Variants in STAG1 observed in about 807,000 individuals in gnomAD.
The protein encoded by STAG1 is cohesin subunit SA-1.
Under a neutral mutation model 170.9 loss-of-function variants are expected in STAG1, and 26 were observed. That is an observed-to-expected ratio of 0.15 (90% confidence interval 0.11 to 0.21). STAG1 has a LOEUF of 0.21. STAG1 is among the 10% of genes least tolerant of loss of function. The probability of loss-of-function intolerance (pLI) is 1.00; values close to 1 mark genes in which losing one functional copy is unlikely to be tolerated. For synonymous variants in STAG1, 514 were observed against 497.7 expected, an observed-to-expected ratio of 1.03 and a Z score of -0.44; for missense variants, 964 against 1,509.5, an observed-to-expected ratio of 0.64 and a Z score of 5.99.
chr3:136,739,593 G>A (rs1009563762), intron 1 of STAG1, among the ~76,000 whole-genome samples: 4 of 151,594 alleles, frequency 2.6e-5, no homozygotes, highest in African/African-American at 9.7e-5. Flanking sequence ...GGTCAAGGCA[G>A]AGGATTGCCT....
Position 136,694,039 on chromosome 3 carries a change from T to A in STAG1, c.-84+58156A>T, listed in dbSNP as rs150388616. Among the ~76,000 whole-genome samples, 6 of 152,300 alleles carry A rather than the reference T, an allele frequency of 3.9e-5. No homozygotes were observed. In the East Asian group the frequency reaches 1.2e-3, roughly 29 times the overall value. The stretch of plus-strand genomic sequence containing the variant: ...AAGACCAATTCTAGTAGAGTCAACA[T>A]CCACAGGAAAGCCAGAATTTTCTCT... On this transcript the variant is annotated intron_variant, in intron 1 of 33. Coordinates refer to ENST00000383202, the MANE Select transcript of STAG1 (RefSeq NM_005862.3).
chr3:136,369,353 G>C (rs1937203053), intron 23 of STAG1, 71 bp from the exon 24 acceptor site: 1 of 1,274,672 alleles, frequency 7.8e-7, no homozygotes, highest in Non-Finnish European at 1.1e-6. Flanking sequence ...TAATGAAAAT[G>C]TATGAAATTA....
intron 6 of STAG1, among the ~76,000 whole-genome samples, chr3:136,531,963 C>T (rs1358313506): frequency 6.7e-6 from 1 of 150,222 alleles, no homozygotes; most frequent in Non-Finnish European, 1.5e-5. Flanking sequence ...AATGATGCAC[C>T]TCAGGAACTA....
chr3:136,419,452 A>G (rs1014275564), intron 20 of STAG1, among the ~76,000 whole-genome samples: 1 of 151,266 alleles, frequency 6.6e-6, no homozygotes, highest in Non-Finnish European at 1.5e-5. Flanking sequence ...CACCGCACCC[A>G]GCCTTTTTTT....
intron 22 of STAG1, among the ~76,000 whole-genome samples, chr3:136,382,262 G>C (rs1345031078): frequency 1.3e-5 from 2 of 152,116 alleles, no homozygotes; most frequent in African/African-American, 4.8e-5. Flanking sequence ...AAGCAAATGT[G>C]TCTTATGTAA....
intron 1 of STAG1, among the ~76,000 whole-genome samples, chr3:136,709,214 CGA>C (rs1399539120): frequency 1.3e-5 from 2 of 151,672 alleles, no homozygotes; most frequent in African/African-American, 2.4e-5. Context: ...CACATGAACC[CGA>C]GAGGTGGAGG....
intron 1 of STAG1, among the ~76,000 whole-genome samples, chr3:136,744,219 C>T (rs1440008548): frequency 2.6e-5 from 4 of 152,142 alleles, no homozygotes; most frequent in Admixed American, 6.5e-5. Flanking sequence ...TCCAGCTACT[C>T]GGGTGGCTGA....
intron 9 of STAG1, among the ~76,000 whole-genome samples, chr3:136,485,996 G>A (rs1266112939): frequency 1.3e-5 from 2 of 152,196 alleles, no homozygotes; most frequent in African/African-American, 4.8e-5. Context: ...TCCCTGTGCA[G>A]ATATGTGGGA....
chr3:136,705,378 AACACACACACAC>A (rs3066789), intron 1 of STAG1, among the ~76,000 whole-genome samples: 2,126 of 143,272 alleles, frequency 0.015, 43 homozygotes, highest in African/African-American at 0.04. Context: ...ATGATCATCA[AACACACACACAC>A]ACACACACAC....
chr3:136,429,937 A>G (rs1199968540), intron 16 of STAG1: 4 of 152,336 alleles, frequency 2.6e-5, no homozygotes, highest in Non-Finnish European at 5.9e-5. Flanking sequence ...ACAGTGTATA[A>G]TACATATTAC....
At chr3:136,479,075 TTAA>T (rs2089846498) in intron 9 of STAG1, among the ~76,000 whole-genome samples, 1 of 147,464 alleles carries the variant, frequency 6.8e-6, no homozygotes, top group African/African-American at 2.5e-5. Context: ...TTTTTTTTTT[TTAA>T]TTTTTTTTTT....
chr3:136,611,866 AAGAC>A (rs1939302877), intron 3 of STAG1, among the ~76,000 whole-genome samples: 1 of 149,962 alleles, frequency 6.7e-6, no homozygotes, highest in African/African-American at 2.5e-5. Flanking sequence ...TTTTTTTTAT[AAGAC>A]AGAGTCTCGC....
chr3:136,337,587 C>A lies in STAG1; in HGVS notation c.*667G>T, dbSNP rs1935740601. Reference sequence around the variant, plus strand: ...ATGCCCACTTATAAATAAAAATAAACCTTTTATTCAAGAGTATATAAAATC... The same window carrying A: ...ATGCCCACTTATAAATAAAAATAAAACTTTTATTCAAGAGTATATAAAATC... On this transcript the variant is annotated 3_prime_UTR_variant, in exon 34 of 34. Transcript: ENST00000383202. The A allele has an allele frequency of 6.6e-6, 1 of 152,612 alleles. No homozygotes were observed. Among genetic ancestry groups the A allele is most frequent in the Non-Finnish European group, 1.5e-5 (1 of 68,028 alleles). The allele number at this position is 152,612 out of a possible 1,614,324, so 9.5% of individuals were successfully genotyped here.
chr3:136,634,202 A>G (rs1322191202), intron 1 of STAG1, among the ~76,000 whole-genome samples: 1 of 151,894 alleles, frequency 6.6e-6, no homozygotes, highest in African/African-American at 2.4e-5. Context: ...AAATTTTAAA[A>G]CTAACCAGGC....
chr3:136,489,499 A>C (rs1372579409), intron 9 of STAG1, among the ~76,000 whole-genome samples: 2 of 152,206 alleles, frequency 1.3e-5, no homozygotes, highest in Non-Finnish European at 2.9e-5. Flanking sequence ...TTTGACACTC[A>C]CAATTATTGC....
intron 21 of STAG1, among the ~76,000 whole-genome samples, chr3:136,405,350 T>C (rs116921667): frequency 0.012 from 1,732 of 150,182 alleles, 94 homozygotes; most frequent in Admixed American, 0.079. Flanking sequence ...CAGTGAATTC[T>C]TGTGCATCAG....
rs554500510 is a variant in STAG1, at chr3:136,444,548, A to G, written c.1429-1144T>C. On this transcript the variant is annotated intron_variant, in intron 14 of 33. Coordinates refer to ENST00000383202, the MANE Select transcript of STAG1 (RefSeq NM_005862.3). ...CCTGGTAATCAGTGTTAGTCAAACTACAGACTGCAATCCATTCTTGGGTTA... is the reference window on the plus strand; with the variant it reads ...CCTGGTAATCAGTGTTAGTCAAACTGCAGACTGCAATCCATTCTTGGGTTA... Among the ~76,000 whole-genome samples the G allele has an allele frequency of 2.1e-4, 32 of 152,352 alleles. No individual in the cohort carries two copies. The South Asian group carries it at 6.6e-3, about 32-fold the overall frequency.
chr3:136,568,701 A>T, intron 5 of STAG1, 64 bp downstream of exon 5: 1 of 1,060,476 alleles, frequency 9.4e-7, no homozygotes, highest in East Asian at 2.5e-5. Context: ...GTGGCAGGTG[A>T]AGTAAAAGTC....
At chr3:136,652,060 G>A (rs572703985) in intron 1 of STAG1, among the ~76,000 whole-genome samples, 32 of 152,318 alleles carry the variant, frequency 2.1e-4, no homozygotes, top group South Asian at 1.2e-3. Flanking sequence ...GAAAGTTTCA[G>A]GAGCTAAGGC....
Sources: gnomAD v4.1 joint callset for allele counts (sites outside exome capture counted in the v4.1 genomes callset) on GRCh38, gnomAD v4.1.1 for gene constraint, MANE v1.5 for transcripts, NCBI Gene and HGNC (gene_info 2026-07-23, HGNC 2026-07-21) for gene names.